Variants in MMP17 observed in about 807,000 individuals in gnomAD.
MMP17 encodes matrix metalloproteinase-17.
A neutral mutation model predicts 49.1 loss-of-function variants in MMP17; 54 were observed. That is an observed-to-expected ratio of 1.10 (90% confidence interval 0.88 to 1.38). The LOEUF is 1.38. Among genes scored for constraint, MMP17 ranks in the 40% most tolerant of loss-of-function variants. MMP17 has a pLI of 0.00. For missense variants in MMP17, 837 were observed against 853.7 expected (o/e 0.98, Z 0.24); for synonymous variants, 397 against 383.1 (o/e 1.04, Z -0.42).
intron 1 of MMP17, among the ~76,000 whole-genome samples, chr12:131,831,259 C>T (rs1228595985): frequency 1.3e-5 from 2 of 152,218 alleles, no homozygotes; most frequent in East Asian, 3.9e-4. Context: ...AAAGTTTCTG[C>T]TCCATTTCTC....
intron 3 of MMP17, 41 bp from the exon 4 acceptor site, chr12:131,840,532 C>T (rs1222609932): frequency 6.5e-7 from 1 of 1,534,588 alleles, no homozygotes; most frequent in Non-Finnish European, 8.8e-7. Context: ...GGCACGTGGC[C>T]TGTTCTCCGT....
Position 131,851,041 on chromosome 12 carries a change from C to T in MMP17, c.1579C>T (p.Gln527Ter), listed in dbSNP as rs956293944. 3.7e-6 allele frequency: 6 copies of T among 1,609,020 alleles called. No homozygotes were observed. In the Admixed American group the frequency reaches 6.7e-5, roughly 18 times the overall value. The change falls in exon 10 of 10, where the codon CAG becomes TAG. Residue 527 changes from glutamine (Q) to a stop codon, truncating the protein, a stop_gained. Coordinates refer to ENST00000360564, the MANE Select transcript of MMP17 (RefSeq NM_016155.7). LOFTEE classifies it low-confidence loss of function (END_TRUNC). The part of the protein sequence containing the change: ...ARDWLVCGDS[Q>*]ADGSVAAGVD... Reference sequence around the variant, plus strand: ...GGACTGGCTGGTGTGTGGAGACTCACAGGCCGATGGATCTGTGGCTGCGGG... The same window carrying T: ...GGACTGGCTGGTGTGTGGAGACTCATAGGCCGATGGATCTGTGGCTGCGGG...
At position 131,840,856 on chromosome 12, in the gene MMP17, G is replaced by A. The variant is rs1267267760; in HGVS notation, c.706G>A (p.Asp236Asn). The change falls in exon 4 of 10, where the codon GAT becomes AAT. Residue 236 changes from aspartate to asparagine, a missense_variant and splice_region_variant. By Grantham distance (23) the Asp-to-Asn change is conservative. Coordinates refer to ENST00000360564, the MANE Select transcript of MMP17 (RefSeq NM_016155.7). ...DDEAWTFRSS[D>N]AHGMDLFAVA... ...CGAGGCCTGGACCTTCCGCTCCTCG[G>A]GTGCGTCTGGGGCAGCCCTCAGGGC... 1 of 1,591,540 alleles carries A rather than the reference G, an allele frequency of 6.3e-7. No individual in the cohort carries two copies. The highest frequency in any genetic ancestry group is 8.5e-7 in the Non-Finnish European group (1 of 1,170,150).
intron 3 of MMP17, chr12:131,840,312 ACG>A (rs1240897808): frequency 5.7e-5 from 26 of 459,994 alleles, no homozygotes; most frequent in Non-Finnish European, 9.8e-5. Context: ...TGATGGCTCC[ACG>A]CGGGAGCTGA....
chr12:131,828,480 G>T lies in MMP17; in HGVS notation c.-15G>T. ...GCGGGACCCTGCACGCCGCCCGCGGGCCCATGTGAGCGCCATGCGGCGCCG... is the reference window on the plus strand; with the variant it reads ...GCGGGACCCTGCACGCCGCCCGCGGTCCCATGTGAGCGCCATGCGGCGCCG... On this transcript the variant is annotated 5_prime_UTR_variant, in exon 1 of 10. Transcript: ENST00000360564. The T allele has an allele frequency of 2.0e-6, 2 of 992,132 alleles. No individual in the cohort carries two copies. Among genetic ancestry groups the T allele is most frequent in the Non-Finnish European group, 2.4e-6 (2 of 835,252 alleles). 61.5% of individuals were successfully genotyped at this position (992,132 alleles called of 1,614,324 possible).
intron 8 of MMP17, among the ~76,000 whole-genome samples, chr12:131,848,954 A>G (rs1474601865): frequency 6.6e-6 from 1 of 152,112 alleles, no homozygotes; most frequent in Non-Finnish European, 1.5e-5. Context: ...ATCACGTGGT[A>G]ATTCTATTTT....
At chr12:131,831,788 G>C (rs1009915002) in intron 1 of MMP17, among the ~76,000 whole-genome samples, 2 of 127,316 alleles carry the variant, frequency 1.6e-5, no homozygotes, top group Admixed American at 8.1e-5. Context: ...AGGTGCTTCC[G>C]ATGGTTCAGG....
At chr12:131,831,171 C>T (rs542278316) in intron 1 of MMP17, among the ~76,000 whole-genome samples, 31 of 152,360 alleles carry the variant, frequency 2.0e-4, no homozygotes, top group African/African-American at 7.0e-4. Flanking sequence ...CAGAACTTCC[C>T]GGACTCGCGG....
At chr12:131,836,653 C>T (rs1460583720) in intron 1 of MMP17, among the ~76,000 whole-genome samples, 2 of 145,650 alleles carry the variant, frequency 1.4e-5, no homozygotes, top group African/African-American at 5.2e-5. Context: ...TAGCGATTCA[C>T]AAGCATTTTC....
At position 131,849,986 on chromosome 12, in the gene MMP17, C is replaced by T. The variant is rs755093533; in HGVS notation, c.1389C>T (p.Pro463=). ...ATGACCACACGAGGCACATGGACCC[C>T]GGCTACCCCGCCCAGAGCCCCCTGT... ...RYDDHTRHMD[P]GYPAQSPLWR... Residue 463 remains proline (P), a synonymous_variant, in exon 9 of 10, where the codon CCC becomes CCT. Coordinates refer to ENST00000360564, the MANE Select transcript of MMP17 (RefSeq NM_016155.7). 17 of 1,613,676 alleles carry T rather than the reference C, an allele frequency of 1.1e-5. No individual in the cohort carries two copies. The East Asian group carries it at 1.3e-4, about 13-fold the overall frequency.
intron 8 of MMP17, among the ~76,000 whole-genome samples, chr12:131,848,252 A>T (rs1009664922): frequency 1.5e-4 from 23 of 151,448 alleles, no homozygotes; most frequent in Non-Finnish European, 1.5e-5. Context: ...TGCCTGGCAA[A>T]TTTTTTGTAT....
intron 8 of MMP17, among the ~76,000 whole-genome samples, chr12:131,847,581 C>T (rs994409687): frequency 5.2e-5 from 8 of 152,384 alleles, no homozygotes; most frequent in Admixed American, 2.6e-4. Context: ...TCACGTGCGG[C>T]TCCCCTGCCT....
At chr12:131,844,443 G>C (rs1039099176) in intron 6 of MMP17, 1 of 320,804 alleles carries the variant, frequency 3.1e-6, no homozygotes, top group African/African-American at 2.2e-5. Flanking sequence ...CAGCGGGAGG[G>C]ATGTTCACTG....
At chr12:131,838,556 A>C (rs1887204891) in intron 2 of MMP17, 56 bp from the exon 3 acceptor site, 3 of 1,561,332 alleles carry the variant, frequency 1.9e-6, no homozygotes, top group Non-Finnish European at 2.6e-6. Flanking sequence ...GATGCTCGGG[A>C]TCCTAGGGTG....
At chr12:131,841,574 G>A (rs748458740) in intron 4 of MMP17, 50 bp from the exon 5 acceptor site, 1 of 1,600,536 alleles carries the variant, frequency 6.2e-7, no homozygotes, top group East Asian at 2.2e-5. Context: ...CCTCCCCGCG[G>A]GGACAGGGCC....
chr12:131,841,763 C>T lies in MMP17; in HGVS notation c.846C>T (p.Leu282=). ...GPVGDPLRYG[L]PYEDKVRVWQ... ...TGGGTGACCCGCTGCGCTACGGGCT[C>T]CCCTACGAGGACAAGGTGCGCGTCT... The change falls in exon 5 of 10, where the codon CTC becomes CTT. Residue 282 remains leucine, a synonymous_variant. Coordinates refer to ENST00000360564, the MANE Select transcript of MMP17 (RefSeq NM_016155.7). 2 of 1,611,276 alleles carry T rather than the reference C, an allele frequency of 1.2e-6. No homozygotes were observed. Among genetic ancestry groups the T allele is most frequent in the Non-Finnish European group, 1.7e-6 (2 of 1,179,160 alleles).
intron 3 of MMP17, among the ~76,000 whole-genome samples, chr12:131,839,841 G>A (rs755413197): frequency 4.8e-5 from 7 of 145,960 alleles, no homozygotes; most frequent in South Asian, 2.3e-4. Context: ...CCTGCTATTC[G>A]GGAGGCTGAG....
At chr12:131,830,683 G>C (rs1045282584) in intron 1 of MMP17, among the ~76,000 whole-genome samples, 4 of 152,214 alleles carry the variant, frequency 2.6e-5, no homozygotes, top group African/African-American at 4.8e-5. Context: ...CGCCAGGGAC[G>C]AGAAGTGCTC....
chr12:131,850,530 C>T (rs1159130552), intron 9 of MMP17, among the ~76,000 whole-genome samples: 1 of 152,212 alleles, frequency 6.6e-6, no homozygotes, highest in Non-Finnish European at 1.5e-5. Context: ...GCATCCTTGT[C>T]ACCTGGAACA....
Sources: allele counts gnomAD v4.1 joint callset (sites outside exome capture counted in the v4.1 genomes callset), GRCh38; gene constraint gnomAD v4.1.1; transcripts MANE v1.5; gene names NCBI Gene and HGNC (gene_info 2026-07-23, HGNC 2026-07-21).